Variants in HCN1 observed in about 807,000 individuals in gnomAD.
The protein encoded by HCN1 is potassium/sodium hyperpolarization-activated cyclic nucleotide-gated channel 1.
In HCN1, 13 loss-of-function variants were observed where a neutral mutation model predicts 78.9. That is an observed-to-expected ratio of 0.16 (90% CI 0.11 to 0.26). HCN1 has a LOEUF of 0.26. Among genes scored for constraint, HCN1 ranks in the 10% least tolerant of loss-of-function variants. The pLI is 1.00. For synonymous variants in HCN1, 552 were observed against 455.5 expected (o/e 1.21, Z -2.70); for missense variants, 810 against 1,154.3 (o/e 0.70, Z 4.32).
chr5:45,591,523 G>C (rs1445896091), intron 2 of HCN1, among the ~76,000 whole-genome samples: 2 of 152,114 alleles, frequency 1.3e-5, no homozygotes, highest in African/African-American at 2.4e-5. Context: ...GAGGACTTAT[G>C]ACATGAAGCA....
chr5:45,473,186 A>T (rs964569113), intron 2 of HCN1, among the ~76,000 whole-genome samples: 1 of 152,034 alleles, frequency 6.6e-6, no homozygotes, highest in African/African-American at 2.4e-5. Flanking sequence ...TTTTGTTCCA[A>T]TATTAACTGA....
At chr5:45,550,761 A>G (rs1331569757) in intron 2 of HCN1, among the ~76,000 whole-genome samples, 1 of 152,066 alleles carries the variant, frequency 6.6e-6, no homozygotes, top group Admixed American at 6.6e-5. Context: ...TGAAAATGTG[A>G]CCATCATCTT....
At chr5:45,558,479 A>C (rs953947586) in intron 2 of HCN1, 1 of 152,206 alleles carries the variant, frequency 6.6e-6, no homozygotes, top group Non-Finnish European at 1.5e-5. Context: ...TACACTAAAA[A>C]ATAGATTTTC....
At chr5:45,465,768 T>A (rs1741258059) in intron 2 of HCN1, among the ~76,000 whole-genome samples, 1 of 151,988 alleles carries the variant, frequency 6.6e-6, no homozygotes, top group African/African-American at 2.4e-5. Flanking sequence ...AAAAAAAAGT[T>A]TTTAAACAAC....
chr5:45,650,802 T>A (rs1745664338), intron 1 of HCN1, among the ~76,000 whole-genome samples: 1 of 151,926 alleles, frequency 6.6e-6, no homozygotes, highest in Non-Finnish European at 1.5e-5. Context: ...TCTACCCACA[T>A]GCAACCCTTT....
chr5:45,461,978 A>G lies in HCN1; in HGVS notation c.879T>C (p.Ser293=), dbSNP rs1741170618. The stretch of plus-strand genomic sequence containing the variant: ...TGAGATTAAAAATTCTCACCACTGC[A>G]CTGGCGAGATCATATGTCATGTGGA... The part of the protein sequence containing the change: ...EIFHMTYDLA[S]AVVRIFNLIG... Residue 293 remains serine (S), a synonymous_variant, in exon 3 of 8, where the codon AGT becomes AGC. Transcript: ENST00000303230. 1.2e-6 allele frequency: 2 copies of G among 1,613,384 alleles called. No individual in the cohort carries two copies. The highest frequency in any genetic ancestry group is 1.7e-6 in the Non-Finnish European group (2 of 1,179,560).
chr5:45,281,800 G>A (rs912280538), intron 6 of HCN1, among the ~76,000 whole-genome samples: 1 of 151,526 alleles, frequency 6.6e-6, no homozygotes, highest in African/African-American at 2.4e-5. Flanking sequence ...CACCATATTT[G>A]CCAGGATGGT....
intron 2 of HCN1, chr5:45,642,073 T>C (rs1386112997): frequency 1.3e-5 from 2 of 152,142 alleles, no homozygotes; most frequent in African/African-American, 4.8e-5. Flanking sequence ...ATTGGAAAGA[T>C]TCACCTCAGC....
chr5:45,686,674 G>A (rs1360399513), intron 1 of HCN1, among the ~76,000 whole-genome samples: 2 of 152,078 alleles, frequency 1.3e-5, no homozygotes, highest in Admixed American at 6.5e-5. Context: ...TGTCTCCAAT[G>A]TACTCTACAA....
chr5:45,295,054 C>G (rs1745460621), intron 6 of HCN1, among the ~76,000 whole-genome samples: 1 of 151,970 alleles, frequency 6.6e-6, no homozygotes, highest in Non-Finnish European at 1.5e-5. Context: ...ACTCCTTTTG[C>G]TACAATCAAA....
chr5:45,596,190 GC>G (rs1744492042), intron 2 of HCN1, among the ~76,000 whole-genome samples: 1 of 151,978 alleles, frequency 6.6e-6, no homozygotes, highest in Admixed American at 6.6e-5. Flanking sequence ...GAGCCACCAC[GC>G]CCAGCCCGGA....
At chr5:45,494,102 T>C (rs1741965982) in intron 2 of HCN1, among the ~76,000 whole-genome samples, 1 of 152,168 alleles carries the variant, frequency 6.6e-6, no homozygotes, top group African/African-American at 2.4e-5. Flanking sequence ...TTATAGTCCT[T>C]TGGGTATATA....
intron 2 of HCN1, among the ~76,000 whole-genome samples, chr5:45,540,763 G>A (rs1215836448): frequency 1.3e-5 from 2 of 151,770 alleles, no homozygotes; most frequent in Admixed American, 1.3e-4. Flanking sequence ...TTCTAATTGA[G>A]CTGTTCAAAC....
chr5:45,284,057 G>A (rs576349278), intron 6 of HCN1, among the ~76,000 whole-genome samples: 2 of 152,024 alleles, frequency 1.3e-5, no homozygotes, highest in South Asian at 4.2e-4. Flanking sequence ...AACCAAATAC[G>A]GCATGTTATC....
intron 6 of HCN1, among the ~76,000 whole-genome samples, chr5:45,290,777 G>A (rs1745356068): frequency 1.3e-5 from 2 of 151,874 alleles, no homozygotes; most frequent in Admixed American, 1.3e-4. Flanking sequence ...TAATGGGAAT[G>A]TTATAGTCTC....
chr5:45,282,503 A>G (rs1392916638), intron 6 of HCN1, among the ~76,000 whole-genome samples: 1 of 152,200 alleles, frequency 6.6e-6, no homozygotes, highest in Non-Finnish European at 1.5e-5. Context: ...AGGTAAAGAC[A>G]ATTCTTCCCC....
chr5:45,296,688 T>TA (rs1745500939), intron 6 of HCN1, among the ~76,000 whole-genome samples: 1 of 151,852 alleles, frequency 6.6e-6, no homozygotes, highest in South Asian at 2.1e-4. Context: ...GGAAAATATA[T>TA]TTTTTAAGAT....
chr5:45,566,716 C>A (rs1392172094), intron 2 of HCN1, among the ~76,000 whole-genome samples: 1 of 152,106 alleles, frequency 6.6e-6, no homozygotes, highest in African/African-American at 2.4e-5. Context: ...GGTCCTCATA[C>A]GTAAGTGAAA....
Position 45,414,379 on chromosome 5 carries a change from GC to G in HCN1, c.1012-17670del, listed in dbSNP as rs1740078807. ...TGAATATCATTCATCTAAAAAAGAG[GC>G]CTCTCTCTTGACTTCTCATCTTATC... On this transcript the variant is annotated intron_variant, in intron 3 of 7. Coordinates refer to ENST00000303230, the MANE Select transcript of HCN1 (RefSeq NM_021072.4). 2.0e-5 allele frequency among the ~76,000 whole-genome samples: 3 copies of G among 151,918 alleles called. 1 individual carries two copies. Among genetic ancestry groups the G allele is most frequent in the South Asian group, 4.1e-4 (2 of 4,828 alleles).
Sources: allele counts gnomAD v4.1 joint callset (sites outside exome capture counted in the v4.1 genomes callset), GRCh38; gene constraint gnomAD v4.1.1; transcripts MANE v1.5; gene names NCBI Gene and HGNC (gene_info 2026-07-23, HGNC 2026-07-21).